Variants in ABCB4 observed in about 807,000 individuals in gnomAD.
The protein encoded by ABCB4 is phosphatidylcholine translocator ABCB4.
A neutral mutation model predicts 145.7 loss-of-function variants in ABCB4; 76 were observed. The observed-to-expected ratio is 0.52, with a 90% CI of 0.43 to 0.63. The LOEUF (loss-of-function observed/expected upper bound fraction) is 0.63. ABCB4 is among the 30% of genes least tolerant of loss of function. The pLI, the probability that ABCB4 is intolerant of heterozygous loss-of-function variation, is 0.00. For missense variants in ABCB4, 1,234 were observed against 1,553.1 expected (o/e 0.79, Z 3.45); for synonymous variants, 517 against 566.8 (o/e 0.91, Z 1.25).
In ABCB4 at chr7:87,439,789, G is replaced by A; in HGVS notation, c.1609C>T (p.Gln537Ter). 1 of 1,614,106 alleles carries A rather than the reference G, an allele frequency of 6.2e-7. No individual in the cohort carries two copies. The highest frequency in any genetic ancestry group is 1.1e-5 in the South Asian group (1 of 91,072). Residue 537 changes from glutamine to a stop codon, truncating the protein, a stop_gained, in exon 14 of 28, where the codon CAG becomes TAG. Transcript: ENST00000649586. LOFTEE classifies it high-confidence loss of function. ...CGTGCAATGGCGATCCTCTGCTTCT[G>A]CCCACCACTCAGCTGGGCCCCTCTC... is the stretch of plus-strand genomic sequence containing the variant. ...GERGAQLSGG[Q>*]KQRIAIARAL... is the part of the protein sequence containing the mutation.
intron 26 of ABCB4, among the ~76,000 whole-genome samples, chr7:87,405,626 C>T (rs1808132859): frequency 2.0e-5 from 3 of 151,988 alleles, no homozygotes; most frequent in Admixed American, 2.0e-4. Flanking sequence ...AGGGTTTCAC[C>T]ATGTTGGCCA....
chr7:87,449,771 G>T (rs1262420638), intron 8 of ABCB4, among the ~76,000 whole-genome samples, 197 bp downstream of exon 8: 1 of 152,078 alleles, frequency 6.6e-6, no homozygotes, highest in South Asian at 2.1e-4. Context: ...AGCCAAAAGA[G>T]TCCATGGAAC....
the ABCB4 span, chr7:87,393,022 T>C: frequency 5.0e-6 from 8 of 1,613,588 alleles, no homozygotes; most frequent in African/African-American, 1.1e-4. Flanking sequence ...GTAGTTCCCA[T>C]GGTACACAAT....
chr7:87,391,952 T>A, the ABCB4 span, among the ~76,000 whole-genome samples: 1 of 152,184 alleles, frequency 6.6e-6, no homozygotes, highest in African/African-American at 2.4e-5. Context: ...TCTTCAGTAC[T>A]TTAGGTATTT....
At chr7:87,419,918 C>G in intron 19 of ABCB4, 80 bp downstream of exon 19, 1 of 1,449,558 alleles carries the variant, frequency 6.9e-7, no homozygotes, top group Non-Finnish European at 9.7e-7. Flanking sequence ...TGCATATCGA[C>G]ATAACAATAA....
chr7:87,432,417 C>T (rs926705209), intron 14 of ABCB4, among the ~76,000 whole-genome samples: 7 of 152,074 alleles, frequency 4.6e-5, no homozygotes, highest in African/African-American at 1.4e-4. Flanking sequence ...AAGTGGTTAA[C>T]ATATAAATTA....
At chr7:87,377,511 C>A in the ABCB4 span, 2 of 961,774 alleles carry the variant, frequency 2.1e-6, no homozygotes, top group Non-Finnish European at 3.3e-6. Flanking sequence ...TGACAATAAA[C>A]CATAAATACT....
At chr7:87,440,565 A>G (rs1198485682) in intron 12 of ABCB4, among the ~76,000 whole-genome samples, 163 bp from the exon 13 acceptor site, 2 of 152,144 alleles carry the variant, frequency 1.3e-5, no homozygotes, top group Non-Finnish European at 2.9e-5. Context: ...TAAAAAGCTT[A>G]TGCTCTCTCC....
chr7:87,409,625 C>T (rs1808464436), intron 23 of ABCB4, among the ~76,000 whole-genome samples: 1 of 152,188 alleles, frequency 6.6e-6, no homozygotes, highest in South Asian at 2.1e-4. Context: ...CTTCCCTTTG[C>T]ATAGTAGCCC....
chr7:87,446,802 T>C (rs1471887757), intron 9 of ABCB4, among the ~76,000 whole-genome samples: 1 of 152,242 alleles, frequency 6.6e-6, no homozygotes, highest in Non-Finnish European at 1.5e-5. Context: ...TTATACATTG[T>C]ATATGTTTCA....
rs752916287 is a variant in ABCB4, at chr7:87,411,911, C to G, written c.2906G>C (p.Arg969Pro). Residue 969 changes from arginine (R) to proline (P), a missense_variant, in exon 23 of 28, where the codon CGC (arginine) becomes CCC (proline). This residue lies in a region of ABCB4 where 301 missense variants were observed against 389.0 expected (regional missense o/e 0.77). Transcript: ENST00000649586. Reference sequence around the variant, plus strand: ...TACTTACAGAATAACATCTCTGAAGCGCATATGTCCATTCACAATGAGATA... The same window carrying G: ...TACTTACAGAATAACATCTCTGAAGGGCATATGTCCATTCACAATGAGATA... ...GAYLIVNGHMRFRDVILVFSA... is the reference protein window; with the variant it reads ...GAYLIVNGHMPFRDVILVFSA... 6.2e-7 allele frequency: 1 copy of G among 1,613,494 alleles called. No homozygotes were observed. Among genetic ancestry groups the G allele is most frequent in the South Asian group, 1.1e-5 (1 of 91,068 alleles).
chr7:87,368,146 T>C, the ABCB4 span, among the ~76,000 whole-genome samples: 3 of 152,220 alleles, frequency 2.0e-5, no homozygotes, highest in Non-Finnish European at 2.9e-5. Flanking sequence ...TTTATTCTAA[T>C]GCCTTTGTGC....
At chr7:87,412,552 C>G (rs1192858392) in intron 22 of ABCB4, among the ~76,000 whole-genome samples, 1 of 152,150 alleles carries the variant, frequency 6.6e-6, no homozygotes, top group African/African-American at 2.4e-5. Flanking sequence ...TGCCAGCCGC[C>G]CCTGTATATA....
intron 8 of ABCB4, 66 bp from the exon 9 acceptor site, chr7:87,447,271 C>T (rs1014283): frequency 4.7e-6 from 7 of 1,497,598 alleles, no homozygotes; most frequent in African/African-American, 2.8e-5. Context: ...GAGTCACACT[C>T]GGCTCCTATA....
intron 12 of ABCB4, among the ~76,000 whole-genome samples, chr7:87,440,929 A>G (rs1156870858): frequency 1.8e-4 from 28 of 152,062 alleles, no homozygotes; most frequent in Non-Finnish European, 1.5e-5. Flanking sequence ...TTTAGTAGAG[A>G]CGGTGTTTCA....
Position 87,401,929 on chromosome 7 carries a change from TCA to T in ABCB4, c.*165_*166del. 3.3e-6 allele frequency: 3 copies of T among 910,842 alleles called. No homozygotes were observed. The South Asian group carries it at 4.2e-5, about 13-fold the overall frequency. The allele number at this position is 910,842 out of a possible 1,614,324, so 56.4% of individuals were successfully genotyped here. On this transcript the variant is annotated 3_prime_UTR_variant, in exon 28 of 28. Transcript: ENST00000649586. ...TCAAGACAGGTGTCACTTCTAACTC[TCA>T]AATTTCAAATGCCGTAATAAACCCC... is the stretch of plus-strand genomic sequence containing the variant.
the ABCB4 span, chr7:87,375,967 TTCTC>T: frequency 2.7e-6 from 4 of 1,472,508 alleles, no homozygotes; most frequent in East Asian, 4.9e-5. Context: ...CTTAACTACC[TTCTC>T]TTTTTTTTTT....
chr7:87,450,468 A>ATTTT (rs373293934), intron 7 of ABCB4, among the ~76,000 whole-genome samples: 67 of 131,214 alleles, frequency 5.1e-4, no homozygotes, highest in African/African-American at 1.9e-3. Context: ...TTGTGTCACA[A>ATTTT]TTTTTTTTTT....
chr7:87,466,571 A>C (rs568647221), intron 3 of ABCB4, among the ~76,000 whole-genome samples: 3 of 152,330 alleles, frequency 2.0e-5, no homozygotes, highest in East Asian at 3.9e-4. Context: ...ACTCCTCGAG[A>C]ACAGCAACTC....
Sources: gnomAD v4.1 joint callset for allele counts (sites outside exome capture counted in the v4.1 genomes callset) on GRCh38, gnomAD v4.1.1 for gene constraint, gnomAD v4.1.1 regional missense constraint, MANE v1.5 for transcripts, NCBI Gene and HGNC (gene_info 2026-07-23, HGNC 2026-07-21) for gene names.